The following HS2ST1 variants were observed in gnomAD, a reference collection of about 807,000 sequenced individuals.
HS2ST1 encodes the protein heparan sulfate 2-O-sulfotransferase 1.
HS2ST1 carries 18 observed loss-of-function variants against 42.9 expected under a neutral mutation model. That is an observed-to-expected ratio of 0.42 (90% CI 0.29 to 0.62). The LOEUF (loss-of-function observed/expected upper bound fraction) is 0.62, where lower values mean the gene tolerates loss of function less well. Ranked by LOEUF, HS2ST1 falls within the 20% of genes least tolerant of loss-of-function variation. The pLI is 0.21. For synonymous variants in HS2ST1, 146 were observed against 152.9 expected, an observed-to-expected ratio of 0.95 and a Z score of 0.33; for missense variants, 334 against 433.8, an observed-to-expected ratio of 0.77 and a Z score of 2.04.
At chr1:87,016,741 G>A (rs74622135) in intron 1 of HS2ST1, among the ~76,000 whole-genome samples, 3,734 of 152,132 alleles carry the variant, frequency 0.025, 48 homozygotes, top group South Asian at 0.053. Context: ...CCATTCACCC[G>A]TGCCCCCATT....
chr1:87,027,154 T>A lies in HS2ST1; in HGVS notation c.125-45780T>A, dbSNP rs7524526. ...TGTCACTTTTTAAGCACTGTGCAGC[T>A]TCCTGTGTTATTCCCTTCTTTGTCC... On this transcript the variant is annotated intron_variant, in intron 1 of 6. Transcript: ENST00000370550. Among the ~76,000 whole-genome samples, 17 of 152,114 alleles carry A rather than the reference T, an allele frequency of 1.1e-4. No homozygotes were observed. In the East Asian group the frequency reaches 1.2e-3, roughly 10 times the overall value.
chr1:86,989,062 GTGCGGAGGCAGACACCCTTAAAAA>G (rs1393792622), intron 1 of HS2ST1, among the ~76,000 whole-genome samples: 16 of 152,174 alleles, frequency 1.1e-4, no homozygotes, highest in Admixed American at 7.2e-4. Context: ...TTTCTTTCTG[GTGCGGAGGCAGACACCCTTAAAAA>G]TGGAGATTTC....
intron 1 of HS2ST1, among the ~76,000 whole-genome samples, chr1:86,959,676 A>G (rs898329593): frequency 3.3e-5 from 5 of 152,152 alleles, no homozygotes; most frequent in African/African-American, 1.2e-4. Context: ...ATAAAAGACT[A>G]TAGCAGTGTT....
Position 86,956,074 on chromosome 1 carries a change from A to G in HS2ST1, c.124+40914A>G, listed in dbSNP as rs561223121. Among the ~76,000 whole-genome samples the G allele has an allele frequency of 9.1e-4, 138 of 152,334 alleles. No homozygotes were observed. The South Asian group carries it at 0.028, about 30-fold the overall frequency. On this transcript the variant is annotated intron_variant, in intron 1 of 6. Transcript: ENST00000370550. ...TAAATAGCTGTCTCTTCATACATAT[A>G]TGTGTGTATATATACATAAGTGAAT...
At chr1:87,025,534 C>A (rs1650062022) in intron 1 of HS2ST1, among the ~76,000 whole-genome samples, 1 of 152,102 alleles carries the variant, frequency 6.6e-6, no homozygotes, top group Non-Finnish European at 1.5e-5. Context: ...TTGACAAATG[C>A]ACAGAGACAT....
intron 1 of HS2ST1, among the ~76,000 whole-genome samples, chr1:86,997,518 T>A (rs1649139004): frequency 6.6e-6 from 1 of 152,234 alleles, no homozygotes; most frequent in South Asian, 2.1e-4. Flanking sequence ...AGAATTTGTT[T>A]AAAGAAATAC....
intron 1 of HS2ST1, among the ~76,000 whole-genome samples, chr1:87,000,238 G>T (rs1045315110): frequency 1.3e-5 from 2 of 152,040 alleles, no homozygotes; most frequent in East Asian, 1.9e-4. Flanking sequence ...AAATGTACAG[G>T]TAATCATTTC....
At chr1:86,988,335 C>T (rs61771747) in intron 1 of HS2ST1, among the ~76,000 whole-genome samples, 5 of 152,150 alleles carry the variant, frequency 3.3e-5, no homozygotes, top group African/African-American at 4.8e-5. Flanking sequence ...CTGTTGTCCC[C>T]GCTACCGTCC....
In HS2ST1 at chr1:86,976,459, G is replaced by A. The variant is rs1390678162; in HGVS notation, c.124+61299G>A. Among the ~76,000 whole-genome samples, 4 of 152,026 alleles carry A rather than the reference G, an allele frequency of 2.6e-5. No homozygotes were observed. The South Asian group carries it at 6.2e-4, about 24-fold the overall frequency. On this transcript the variant is annotated intron_variant, in intron 1 of 6. Coordinates refer to ENST00000370550, the MANE Select transcript of HS2ST1 (RefSeq NM_012262.4). Reference sequence around the variant, plus strand: ...TGGGATATAAGTTAGAAAGACTAAAGCTTTCAGAAACCATGGCTTTGGTTA... The same window carrying A: ...TGGGATATAAGTTAGAAAGACTAAAACTTTCAGAAACCATGGCTTTGGTTA...
At chr1:87,003,015 A>G (rs761484882) in intron 1 of HS2ST1, among the ~76,000 whole-genome samples, 5 of 152,224 alleles carry the variant, frequency 3.3e-5, no homozygotes, top group African/African-American at 4.8e-5. Context: ...TTTGGGCCCT[A>G]TCTACTTGTA....
intron 1 of HS2ST1, among the ~76,000 whole-genome samples, chr1:86,945,674 T>C (rs555376456): frequency 2.6e-4 from 40 of 152,344 alleles, no homozygotes; most frequent in South Asian, 1.9e-3. Flanking sequence ...GGAAGAACCA[T>C]GATTATGAAT....
intron 1 of HS2ST1, among the ~76,000 whole-genome samples, chr1:87,015,779 T>C (rs1323174662): frequency 6.6e-6 from 1 of 152,214 alleles, no homozygotes; most frequent in East Asian, 1.9e-4. Flanking sequence ...TTGAAAATTA[T>C]AGCCAATGAA....
At chr1:87,004,243 T>C (rs2100572259) in intron 1 of HS2ST1, among the ~76,000 whole-genome samples, 1 of 151,984 alleles carries the variant, frequency 6.6e-6, no homozygotes, top group Middle Eastern at 3.4e-3. Flanking sequence ...GTAGAAAAAT[T>C]AGGTGGGCAT....
intron 1 of HS2ST1, among the ~76,000 whole-genome samples, chr1:87,033,019 T>C (rs1557521995): frequency 1.3e-5 from 2 of 152,208 alleles, no homozygotes; most frequent in Admixed American, 6.5e-5. Flanking sequence ...CTTCCAATCA[T>C]GATGAACCTC....
intron 1 of HS2ST1, among the ~76,000 whole-genome samples, chr1:86,990,826 ATATATATATATTTTTTTTTTT>A (rs1386866602): frequency 1.2e-4 from 2 of 17,288 alleles, no homozygotes; most frequent in Non-Finnish European, 4.5e-4. Flanking sequence ...ATATATATAT[ATATATATATATTTTTTTTTTT>A]TTTTTTTTTT....
At chr1:87,060,946 A>G (rs1460702122) in intron 1 of HS2ST1, among the ~76,000 whole-genome samples, 1 of 152,134 alleles carries the variant, frequency 6.6e-6, no homozygotes, top group Non-Finnish European at 1.5e-5. Context: ...ATTAACTCCA[A>G]TATATTTTTA....
intron 5 of HS2ST1, among the ~76,000 whole-genome samples, chr1:87,101,796 C>A (rs1485607042): frequency 6.6e-6 from 1 of 152,206 alleles, no homozygotes; most frequent in Non-Finnish European, 1.5e-5. Context: ...CAACACCCAA[C>A]TCCTTAGTAC....
intron 1 of HS2ST1, among the ~76,000 whole-genome samples, chr1:86,985,372 A>ATATATGTATG (rs1371450771): frequency 3.7e-5 from 2 of 54,274 alleles, no homozygotes; most frequent in Non-Finnish European, 9.2e-5. Flanking sequence ...AAAAAAGTAT[A>ATATATGTATG]TATATATATA....
intron 1 of HS2ST1, among the ~76,000 whole-genome samples, chr1:87,021,969 A>G (rs1274109426): frequency 6.6e-6 from 1 of 152,230 alleles, no homozygotes; most frequent in African/African-American, 2.4e-5. Flanking sequence ...GAAGAATCTG[A>G]AAGTAACACA....
Sources: gnomAD v4.1 joint callset for allele counts (sites outside exome capture counted in the v4.1 genomes callset) on GRCh38, gnomAD v4.1.1 for gene constraint, MANE v1.5 for transcripts, NCBI Gene and HGNC (gene_info 2026-07-23, HGNC 2026-07-21) for gene names.